Variants in LRRC75A observed in about 807,000 individuals in gnomAD.
LRRC75A encodes the protein leucine-rich repeat-containing protein 75A.
In LRRC75A, 12 loss-of-function variants were observed where a neutral mutation model predicts 26.0. The observed-to-expected ratio is 0.46, with a 90% CI of 0.30 to 0.75. The LOEUF is 0.75. Ranked by LOEUF, LRRC75A falls within the 30% of genes least tolerant of loss-of-function variation. The pLI, the probability that LRRC75A is intolerant of heterozygous loss-of-function variation, is 0.08. For synonymous variants in LRRC75A, 223 were observed against 219.3 expected (o/e 1.02, Z -0.15); for missense variants, 410 against 486.6 (o/e 0.84, Z 1.48).
In LRRC75A at chr17:16,491,179, C is replaced by A. The variant is rs189154491; in HGVS notation, c.246+566G>T. On this transcript the variant is annotated intron_variant, in intron 1 of 3. Coordinates refer to ENST00000470794, the MANE Select transcript of LRRC75A (RefSeq NM_001113567.3). This position sits in a 1 kb window ranked among gnomAD's most constrained non-coding sequence, Gnocchi z 5.9. Reference sequence around the variant, plus strand: ...TCCGCAGGGGCTCATGGTTGAGGATCTGCTGAAGTTAGTCAGGGGAGAGGA... The same window carrying A: ...TCCGCAGGGGCTCATGGTTGAGGATATGCTGAAGTTAGTCAGGGGAGAGGA... Among the ~76,000 whole-genome samples, 157 of 152,354 alleles carry A rather than the reference C, an allele frequency of 1.0e-3. No individual in the cohort carries two copies. The highest frequency in any genetic ancestry group is 3.3e-3 in the African/African-American group (137 of 41,582).
chr17:16,475,079 TAG>T (rs1307814640), intron 1 of LRRC75A, among the ~76,000 whole-genome samples: 1 of 151,858 alleles, frequency 6.6e-6, no homozygotes, highest in African/African-American at 2.4e-5. Flanking sequence ...AGGAACGACT[TAG>T]AGGATCCTTC....
rs1489975268 is a variant in LRRC75A, at chr17:16,485,665, T to C, written c.246+6080A>G. On this transcript the variant is annotated intron_variant, in intron 1 of 3. Transcript: ENST00000470794. ...GTGTGTGTGTGTGTGTGTGTGTGTG[T>C]GTGTTCGTGTGTGTGTGTGTGTGTG... 3.1e-5 allele frequency among the ~76,000 whole-genome samples: 4 copies of C among 128,996 alleles called. No individual in the cohort carries two copies. In the South Asian group the frequency reaches 7.1e-4, roughly 23 times the overall value. The allele number at this position is 128,996 out of a possible 152,430, so 84.6% of individuals were successfully genotyped here. A position where few individuals can be genotyped will look rare whatever the true frequency, so the allele number is the denominator to read the frequency against.
Position 16,489,368 on chromosome 17 carries a change from G to A in LRRC75A, c.246+2377C>T, listed in dbSNP as rs376226068. On this transcript the variant is annotated intron_variant, in intron 1 of 3. Transcript: ENST00000470794. ...CTGCATGACATTCCTGCAGAACAGG[G>A]TGCCCCACGCTTTGCAGACCCCTGT... 5.9e-5 allele frequency among the ~76,000 whole-genome samples: 9 copies of A among 152,222 alleles called. No homozygotes were observed. The South Asian group carries it at 1.0e-3, about 18-fold the overall frequency.
chr17:16,456,545 TC>T (rs1482651436), intron 2 of LRRC75A, among the ~76,000 whole-genome samples: 2 of 152,016 alleles, frequency 1.3e-5, no homozygotes, highest in African/African-American at 2.4e-5. Context: ...CCCTAACTCC[TC>T]CAGTGGCTGG....
chr17:16,462,504 G>T lies in LRRC75A; in HGVS notation c.247-118C>A. ...CGACTCTGCCTCCCAGAGCCCCGGT[G>T]GGGAGCATCTGCAGAACTTCCCTCA... On this transcript the variant is annotated intron_variant, in intron 1 of 3. Transcript: ENST00000470794. This position sits in a 1 kb window ranked among gnomAD's most constrained non-coding sequence, Gnocchi z 4.6. 7.3e-7 allele frequency: 1 copy of T among 1,372,180 alleles called. No individual in the cohort carries two copies. Among genetic ancestry groups the T allele is most frequent in the Non-Finnish European group, 9.9e-7 (1 of 1,014,128 alleles). 85.0% of individuals were successfully genotyped at this position (1,372,180 alleles called of 1,614,324 possible).
At chr17:16,485,693 T>TGTGTGC (rs1491561643) in intron 1 of LRRC75A, among the ~76,000 whole-genome samples, 1 of 139,334 alleles carries the variant, frequency 7.2e-6, no homozygotes, top group Non-Finnish European at 1.5e-5. Context: ...TGTGTGTGTG[T>TGTGTGC]ATGCGTGGGC....
chr17:16,453,342 GCACACGCACACACA>G (rs1302533087), intron 2 of LRRC75A, among the ~76,000 whole-genome samples: 6 of 129,000 alleles, frequency 4.7e-5, no homozygotes, highest in African/African-American at 1.3e-4. Flanking sequence ...ACGCACACAC[GCACACGCACACACA>G]CACACACGAG....
chr17:16,480,635 AAAAAAAAC>A (rs2093831559), intron 1 of LRRC75A, among the ~76,000 whole-genome samples: 1 of 151,200 alleles, frequency 6.6e-6, no homozygotes, highest in Non-Finnish European at 1.5e-5. Context: ...GTCTCAAAAA[AAAAAAAAC>A]AAAAAAAAAA....
intron 1 of LRRC75A, among the ~76,000 whole-genome samples, chr17:16,490,749 C>T (rs987935263): frequency 6.6e-6 from 1 of 152,200 alleles, no homozygotes; most frequent in African/African-American, 2.4e-5. Context: ...GATTTTCCCT[C>T]TGCCATCCAC....
intron 2 of LRRC75A, among the ~76,000 whole-genome samples, chr17:16,456,346 AAGGAAGAGGAGG>A (rs1482405848): frequency 0.017 from 1,335 of 80,246 alleles, 35 homozygotes; most frequent in African/African-American, 0.06. Context: ...GGAGGAAGAG[AAGGAAGAGGAGG>A]AGGAAGAGAA....
At position 16,446,703 on chromosome 17, in the gene LRRC75A, C is replaced by CT. The variant is rs2143010515; in HGVS notation, c.491+1141_491+1142insA. Among the ~76,000 whole-genome samples the CT allele has an allele frequency of 2.0e-5, 3 of 152,118 alleles. No homozygotes were observed. In the South Asian group the frequency reaches 6.2e-4, roughly 32 times the overall value. On this transcript the variant is annotated intron_variant, in intron 3 of 3. Coordinates refer to ENST00000470794, the MANE Select transcript of LRRC75A (RefSeq NM_001113567.3). ...ACTGAGCATGGGTGTGTGTGGGGAACCAGGAGAGGCCCTTAGGTTCCAGCA... is the reference window on the plus strand; with the variant it reads ...ACTGAGCATGGGTGTGTGTGGGGAACTCAGGAGAGGCCCTTAGGTTCCAGCA...
intron 1 of LRRC75A, among the ~76,000 whole-genome samples, chr17:16,471,183 G>A (rs2093804774): frequency 6.6e-6 from 1 of 152,202 alleles, no homozygotes; most frequent in Admixed American, 6.5e-5. Context: ...CACAGAGAAG[G>A]CAGCAATGTG....
In LRRC75A at chr17:16,443,708, T is replaced by C. The variant is rs922719622; in HGVS notation, c.915A>G (p.Pro305=). ...LPTILELGEG[P]GSGEEVREGT... is the part of the protein sequence containing the mutation. The stretch of plus-strand genomic sequence containing the variant: ...CTTCCCGGACCTCCTCCCCACTGCC[T>C]GGGCCCTCACCCAGCTCCAGGATGG... Residue 305 remains proline (P), a synonymous_variant, in exon 4 of 4, where the codon CCA becomes CCG. Transcript: ENST00000470794. 1.9e-6 allele frequency: 3 copies of C among 1,612,854 alleles called. No individual in the cohort carries two copies. Among genetic ancestry groups the C allele is most frequent in the Non-Finnish European group, 2.5e-6 (3 of 1,179,448 alleles).
intron 1 of LRRC75A, among the ~76,000 whole-genome samples, chr17:16,481,998 G>C (rs1407268057): frequency 6.6e-6 from 1 of 152,170 alleles, no homozygotes; most frequent in Admixed American, 6.5e-5. Flanking sequence ...GGTGCGCGGT[G>C]TCTACTGGGC....
rs560298669 is a variant in LRRC75A at position 16,455,077 on chromosome 17, C to T, written c.376-7117G>A. 1.2e-3 allele frequency among the ~76,000 whole-genome samples: 178 copies of T among 151,912 alleles called. 1 individual carries two copies. Among genetic ancestry groups the T allele is most frequent in the Non-Finnish European group, 2.0e-3 (137 of 67,948 alleles). On this transcript the variant is annotated intron_variant, in intron 2 of 3. Coordinates refer to ENST00000470794, the MANE Select transcript of LRRC75A (RefSeq NM_001113567.3). ...CCTCCCGAGTAGCTGGGATTACAGG[C>T]GCGTGCCACCACGCCCAGCTAATTT...
At chr17:16,465,835 G>C (rs2093764209) in intron 1 of LRRC75A, among the ~76,000 whole-genome samples, 1 of 152,212 alleles carries the variant, frequency 6.6e-6, no homozygotes. Context: ...TGTGGTTGTT[G>C]CTTAGGAGGG....
chr17:16,467,807 A>G (rs549971186), intron 1 of LRRC75A, among the ~76,000 whole-genome samples: 236 of 152,320 alleles, frequency 1.5e-3, no homozygotes, highest in African/African-American at 5.6e-3. Context: ...ATATCAGTTC[A>G]GCATATAGGA....
rs913852765 is a variant in LRRC75A, at chr17:16,492,163, G to A, written c.-173C>T. The A allele has an allele frequency of 1.0e-4, 40 of 396,034 alleles. No individual in the cohort carries two copies. Among genetic ancestry groups the A allele is most frequent in the Non-Finnish European group, 1.3e-4 (37 of 292,680 alleles). 24.5% of individuals were successfully genotyped at this position (396,034 alleles called of 1,614,324 possible). On this transcript the variant is annotated 5_prime_UTR_variant, in exon 1 of 4. Transcript: ENST00000470794. Reference sequence around the variant, plus strand: ...GCGGGCGGCTGTCGGCGCTCCCCGCGCTCCTCCCTCTTGGCTACCCGGGCG... The same window carrying A: ...GCGGGCGGCTGTCGGCGCTCCCCGCACTCCTCCCTCTTGGCTACCCGGGCG...
chr17:16,466,706 G>A (rs1054922156), intron 1 of LRRC75A, among the ~76,000 whole-genome samples: 6 of 152,130 alleles, frequency 3.9e-5, no homozygotes, highest in African/African-American at 1.4e-4. Context: ...GCAGCACACG[G>A]CATTTCAAAG....
Sources: gnomAD v4.1 joint callset for allele counts (sites outside exome capture counted in the v4.1 genomes callset) on GRCh38, gnomAD v4.1.1 for gene constraint, Gnocchi (gnomAD v3.1) non-coding constraint, MANE v1.5 for transcripts, NCBI Gene and HGNC (gene_info 2026-07-23, HGNC 2026-07-21) for gene names.